Variants in ANGPTL2 observed in about 807,000 individuals in gnomAD.
ANGPTL2 encodes angiopoietin-related protein 2.
A neutral mutation model predicts 52.8 loss-of-function variants in ANGPTL2; 25 were observed. The ratio of observed to expected loss-of-function variants is 0.47; its 90% CI spans 0.35 to 0.66. The LOEUF is 0.66. ANGPTL2 is among the 30% of genes least tolerant of loss of function. The probability of loss-of-function intolerance (pLI) is 0.01; values close to 1 mark genes in which losing one functional copy is unlikely to be tolerated. For missense variants in ANGPTL2, 546 were observed against 656.9 expected (o/e 0.83, Z 1.84); for synonymous variants, 276 against 277.4 (o/e 1.00, Z 0.05).
At chr9:127,109,551 C>T (rs1376127177) in intron 1 of ANGPTL2, among the ~76,000 whole-genome samples, 2 of 152,208 alleles carry the variant, frequency 1.3e-5, no homozygotes, top group Non-Finnish European at 2.9e-5. Context: ...CCAGTGACAG[C>T]ACAGTCCTGA....
intron 1 of ANGPTL2, among the ~76,000 whole-genome samples, chr9:127,120,823 A>AT (rs1220877524): frequency 6.7e-6 from 1 of 150,226 alleles, no homozygotes; most frequent in Non-Finnish European, 1.5e-5. Context: ...GCGAGACTCC[A>AT]TCTCAAAAAA....
intron 2 of ANGPTL2, among the ~76,000 whole-genome samples, chr9:127,096,661 T>C (rs2053175410): frequency 6.6e-6 from 1 of 152,250 alleles, no homozygotes; most frequent in Non-Finnish European, 1.5e-5. Context: ...TTAAATGTTT[T>C]GGGGCTACTA....
chr9:127,107,041 G>A (rs1171854134), intron 2 of ANGPTL2: 1 of 152,242 alleles, frequency 6.6e-6, no homozygotes, highest in Non-Finnish European at 1.5e-5. Flanking sequence ...GGGACTGGAT[G>A]TGTGCTGACA....
intron 2 of ANGPTL2, among the ~76,000 whole-genome samples, chr9:127,094,315 A>G (rs2052855388): frequency 1.3e-5 from 2 of 152,136 alleles, no homozygotes; most frequent in Admixed American, 6.5e-5. Flanking sequence ...TGTTCATTAT[A>G]TTAGGAAAAA....
chr9:127,111,837 A>G (rs1013915808), intron 1 of ANGPTL2, among the ~76,000 whole-genome samples: 2 of 152,214 alleles, frequency 1.3e-5, no homozygotes, highest in African/African-American at 4.8e-5. Context: ...GGTCTGCTGG[A>G]TTGGAACCTG....
intron 3 of ANGPTL2, among the ~76,000 whole-genome samples, chr9:127,093,245 G>C (rs538653737): frequency 8.4e-4 from 128 of 152,268 alleles, no homozygotes; most frequent in Non-Finnish European, 1.6e-3. Context: ...GAACCAGGGA[G>C]CCCAGAGGAT....
chr9:127,106,738 G>T (rs557085915), intron 2 of ANGPTL2, among the ~76,000 whole-genome samples: 1 of 152,290 alleles, frequency 6.6e-6, no homozygotes, highest in African/African-American at 2.4e-5. Flanking sequence ...TGAAAACAAT[G>T]CTGCCCTTGT....
chr9:127,121,600 G>A (rs1165835941), intron 1 of ANGPTL2, among the ~76,000 whole-genome samples: 1 of 152,258 alleles, frequency 6.6e-6, no homozygotes, highest in African/African-American at 2.4e-5. Flanking sequence ...CTAATACTGA[G>A]TGCTTTCAGG....
At chr9:127,118,854 G>A (rs938176370) in intron 1 of ANGPTL2, among the ~76,000 whole-genome samples, 1 of 152,220 alleles carries the variant, frequency 6.6e-6, no homozygotes, top group African/African-American at 2.4e-5. Flanking sequence ...TGGCAGGGCT[G>A]CTGTCTGTTA....
rs372777776 is a variant in ANGPTL2 at position 127,105,681 on chromosome 9, G to A, written c.817+2234C>T. ...TGCATTCCTGATTTTAGAAATTTTG[G>A]CCTCGACGGATACTCCCTCCCAGAG... On this transcript the variant is annotated intron_variant, in intron 2 of 4. Transcript: ENST00000373425. Among the ~76,000 whole-genome samples the A allele has an allele frequency of 7.2e-5, 11 of 152,240 alleles. No individual in the cohort carries two copies. In the East Asian group the frequency reaches 1.3e-3, roughly 19 times the overall value.
intron 1 of ANGPTL2, among the ~76,000 whole-genome samples, chr9:127,119,310 A>G (rs2055795489): frequency 6.6e-6 from 1 of 152,196 alleles, no homozygotes; most frequent in African/African-American, 2.4e-5. Flanking sequence ...GAGTAAGTCC[A>G]TGGTTTTCAG....
At chr9:127,119,197 G>T (rs546653621) in intron 1 of ANGPTL2, among the ~76,000 whole-genome samples, 1 of 152,244 alleles carries the variant, frequency 6.6e-6, no homozygotes, top group African/African-American at 2.4e-5. Context: ...CCACATAACA[G>T]GTACCCTCAT....
rs1057489673 is a variant in ANGPTL2, at chr9:127,091,368, C to T, written c.1282+302G>A. 1.3e-4 allele frequency among the ~76,000 whole-genome samples: 20 copies of T among 152,338 alleles called. No homozygotes were observed. The highest frequency in any genetic ancestry group is 1.1e-3 in the Admixed American group (17 of 15,310). On this transcript the variant is annotated intron_variant, in intron 4 of 4. Transcript: ENST00000373425. The surrounding 1 kb of genome is among the most constrained non-coding windows in gnomAD (Gnocchi z 4.3). ...CAGAAGTGGTGAGGCCACAGCCCAA[C>T]ACATGTCTTTCTGCATTGGCCCCAG...
At chr9:127,118,404 A>G (rs548440966) in intron 1 of ANGPTL2, among the ~76,000 whole-genome samples, 2 of 152,248 alleles carry the variant, frequency 1.3e-5, no homozygotes, top group African/African-American at 4.8e-5. Context: ...TAACTCTTCT[A>G]TTTGGGGTGT....
intron 1 of ANGPTL2, among the ~76,000 whole-genome samples, chr9:127,121,857 C>T (rs948975179): frequency 2.0e-5 from 3 of 152,200 alleles, no homozygotes; most frequent in African/African-American, 7.2e-5. Context: ...CAGCACAGCG[C>T]TTGCCTTTGC....
In ANGPTL2 at chr9:127,088,822, A is replaced by G; in HGVS notation, c.*117T>C. On this transcript the variant is annotated 3_prime_UTR_variant, in exon 5 of 5. Coordinates refer to ENST00000373425, the MANE Select transcript of ANGPTL2 (RefSeq NM_012098.3). Reference sequence around the variant, plus strand: ...GTGACTTCGGAAAACAGAATCCAGCATCCCGGTCCTCCCAGCCTCAGGATG... The same window carrying G: ...GTGACTTCGGAAAACAGAATCCAGCGTCCCGGTCCTCCCAGCCTCAGGATG... The G allele has an allele frequency of 1.6e-6, 2 of 1,212,498 alleles. No homozygotes were observed. The highest frequency in any genetic ancestry group is 1.2e-6 in the Non-Finnish European group (1 of 839,984). 75.1% of individuals were successfully genotyped at this position (1,212,498 alleles called of 1,614,324 possible). A position where few individuals can be genotyped will look rare whatever the true frequency, so the allele number is the denominator to read the frequency against.
chr9:127,111,955 A>G (rs2054858644), intron 1 of ANGPTL2, among the ~76,000 whole-genome samples: 1 of 152,254 alleles, frequency 6.6e-6, no homozygotes, highest in Admixed American at 6.5e-5. Context: ...TAAAATAACA[A>G]GTATGACACA....
At chr9:127,119,876 T>G (rs1168809735) in intron 1 of ANGPTL2, among the ~76,000 whole-genome samples, 1 of 152,226 alleles carries the variant, frequency 6.6e-6, no homozygotes, top group Non-Finnish European at 1.5e-5. Context: ...GAGAAGACAG[T>G]GAGCCACCAT....
chr9:127,115,464 A>G (rs907361049), intron 1 of ANGPTL2, among the ~76,000 whole-genome samples: 3 of 152,226 alleles, frequency 2.0e-5, no homozygotes, highest in African/African-American at 7.2e-5. Context: ...CTGAGCAACA[A>G]ACTATATGAT....
Sources: allele counts gnomAD v4.1 joint callset (sites outside exome capture counted in the v4.1 genomes callset), GRCh38; gene constraint gnomAD v4.1.1; non-coding constraint Gnocchi (gnomAD v3.1); transcripts MANE v1.5; gene names NCBI Gene and HGNC (gene_info 2026-07-23, HGNC 2026-07-21).